Variants in DSCAM observed in about 807,000 individuals in gnomAD.
The protein encoded by DSCAM is cell adhesion molecule DSCAM.
DSCAM carries 47 observed loss-of-function variants against 217.7 expected under a neutral mutation model. That is an observed-to-expected ratio of 0.22 (90% confidence interval 0.17 to 0.28). DSCAM has a LOEUF of 0.28. Ranked by LOEUF, DSCAM falls within the 10% of genes least tolerant of loss-of-function variation. The probability of loss-of-function intolerance (pLI) is 1.00; values close to 1 mark genes in which losing one functional copy is unlikely to be tolerated. For missense variants in DSCAM, 2,080 were observed against 2,618.3 expected (o/e 0.79, Z 4.49); for synonymous variants, 1,056 against 1,015.3 (o/e 1.04, Z -0.76).
At chr21:40,546,199 A>G (rs2076581038) in intron 3 of DSCAM, among the ~76,000 whole-genome samples, 1 of 152,246 alleles carries the variant, frequency 6.6e-6, no homozygotes, top group South Asian at 2.1e-4. Flanking sequence ...AAAATGATTC[A>G]CAAGGCATCT....
At position 40,652,865 on chromosome 21, in the gene DSCAM, C is replaced by T. The variant is rs147453562; in HGVS notation, c.508+39945G>A. 2.3e-3 allele frequency among the ~76,000 whole-genome samples: 345 copies of T among 152,242 alleles called. 1 individual carries two copies. Among genetic ancestry groups the T allele is most frequent in the African/African-American group, 7.8e-3 (324 of 41,528 alleles). ...TTTATTCTTCTGGGACCCTGGGCCA[C>T]GCTGTGTCAGTTGAACCTCTGGAGG... On this transcript the variant is annotated intron_variant, in intron 3 of 32. Coordinates refer to ENST00000400454, the MANE Select transcript of DSCAM (RefSeq NM_001389.5).
chr21:40,176,857 C>A (rs1363203090), intron 15 of DSCAM, among the ~76,000 whole-genome samples: 1 of 152,248 alleles, frequency 6.6e-6, no homozygotes, highest in Non-Finnish European at 1.5e-5. Flanking sequence ...AGGCTCTTCA[C>A]CTGGCCTTCT....
At chr21:40,292,774 G>A (rs547616030) in intron 10 of DSCAM, among the ~76,000 whole-genome samples, 11 of 151,594 alleles carry the variant, frequency 7.3e-5, no homozygotes, top group African/African-American at 1.7e-4. Flanking sequence ...ATGGAGTCTC[G>A]CTCTGTTGCA....
intron 3 of DSCAM, among the ~76,000 whole-genome samples, chr21:40,530,920 ACCATCCATCCATCCATCCAT>A (rs749257248): frequency 1.1e-5 from 1 of 88,516 alleles, no homozygotes; most frequent in Admixed American, 1.3e-4. Context: ...CATCCATTCA[ACCATCCATCCATCCATCCAT>A]CCATCCATCC....
At chr21:40,365,405 C>T (rs901935812) in intron 4 of DSCAM, among the ~76,000 whole-genome samples, 2 of 152,178 alleles carry the variant, frequency 1.3e-5, no homozygotes, top group African/African-American at 4.8e-5. Flanking sequence ...GACCTTCGAC[C>T]ACAGACTGAA....
chr21:40,380,736 C>T (rs984742438), intron 3 of DSCAM, among the ~76,000 whole-genome samples: 5 of 152,140 alleles, frequency 3.3e-5, no homozygotes, highest in African/African-American at 1.2e-4. Context: ...AAAACTGTGG[C>T]ATATCCAAGG....
intron 5 of DSCAM, among the ~76,000 whole-genome samples, chr21:40,352,836 C>G (rs984516969): frequency 6.6e-6 from 1 of 152,134 alleles, no homozygotes; most frequent in Admixed American, 6.5e-5. Context: ...GCGATCACAT[C>G]CCTCCTTCCT....
At chr21:40,245,041 AC>A (rs2073204523) in intron 11 of DSCAM, among the ~76,000 whole-genome samples, 1 of 152,032 alleles carries the variant, frequency 6.6e-6, no homozygotes, top group African/African-American at 2.4e-5. Flanking sequence ...GTCACCTTGA[AC>A]CCCTTCCTTA....
chr21:40,041,925 A>G (rs535592788), intron 32 of DSCAM, among the ~76,000 whole-genome samples: 58 of 152,252 alleles, frequency 3.8e-4, no homozygotes, highest in African/African-American at 1.2e-3. Flanking sequence ...TGCTTGCCCA[A>G]TAGAATATGA....
chr21:40,376,503 CTT>C (rs1417206995), intron 3 of DSCAM, among the ~76,000 whole-genome samples: 1 of 108,434 alleles, frequency 9.2e-6, no homozygotes, highest in Non-Finnish European at 1.8e-5. Flanking sequence ...ATCTATATAT[CTT>C]ATATCGATAT....
intron 32 of DSCAM, among the ~76,000 whole-genome samples, chr21:40,040,649 T>C (rs936276581): frequency 6.6e-6 from 1 of 152,190 alleles, no homozygotes; most frequent in African/African-American, 2.4e-5. Flanking sequence ...AGCAACCCAG[T>C]GCCAGAAACA....
intron 16 of DSCAM, among the ~76,000 whole-genome samples, chr21:40,148,426 T>G (rs1408468496): frequency 1.3e-5 from 2 of 152,138 alleles, no homozygotes; most frequent in Non-Finnish European, 2.9e-5. Context: ...ATGTTTACAA[T>G]TATGGCTACG....
At chr21:40,432,211 A>AAAAAAAAT (rs1555917757) in intron 3 of DSCAM, among the ~76,000 whole-genome samples, 3 of 46,794 alleles carry the variant, frequency 6.4e-5, no homozygotes, top group Non-Finnish European at 1.8e-4. Context: ...ATAATAATAA[A>AAAAAAAAT]AAATAAATAT....
chr21:40,314,154 G>A (rs768388835), intron 8 of DSCAM, among the ~76,000 whole-genome samples: 5 of 152,132 alleles, frequency 3.3e-5, no homozygotes, highest in Non-Finnish European at 7.4e-5. Context: ...GCCATAGGCC[G>A]CAGACAGCAA....
intron 20 of DSCAM, among the ~76,000 whole-genome samples, chr21:40,105,616 T>TAAG (rs2089809775): frequency 6.6e-6 from 1 of 152,200 alleles, no homozygotes; most frequent in African/African-American, 2.4e-5. Flanking sequence ...TGCTGAACTG[T>TAAG]AAGTCAATTA....
intron 28 of DSCAM, among the ~76,000 whole-genome samples, chr21:40,062,345 G>A (rs1320663073): frequency 1.3e-5 from 2 of 152,186 alleles, no homozygotes; most frequent in African/African-American, 2.4e-5. Flanking sequence ...CTCCTAACAC[G>A]AGGATGAACT....
intron 1 of DSCAM, among the ~76,000 whole-genome samples, chr21:40,716,129 T>C (rs1568999419): frequency 6.6e-6 from 1 of 152,208 alleles, no homozygotes; most frequent in Non-Finnish European, 1.5e-5. Flanking sequence ...TTTAAAGAAT[T>C]TTACATTAGT....
Position 40,846,713 on chromosome 21 carries a change from G to C in DSCAM, c.-52C>G. 3 of 938,576 alleles carry C rather than the reference G, an allele frequency of 3.2e-6. No homozygotes were observed. The highest frequency in any genetic ancestry group is 3.9e-6 in the Non-Finnish European group (3 of 765,970). 58.1% of individuals were successfully genotyped at this position (938,576 alleles called of 1,614,324 possible). A position where few individuals can be genotyped will look rare whatever the true frequency, so the allele number is the denominator to read the frequency against. ...GAGCGACGCGCCGGCCTCGCCCCCCGCGCTCCGCCCGGCCCGGCTCCGCTC... is the reference window on the plus strand; with the variant it reads ...GAGCGACGCGCCGGCCTCGCCCCCCCCGCTCCGCCCGGCCCGGCTCCGCTC... On this transcript the variant is annotated 5_prime_UTR_variant, in exon 1 of 33. Coordinates refer to ENST00000400454, the MANE Select transcript of DSCAM (RefSeq NM_001389.5).
At chr21:40,798,723 A>G (rs1210809691) in intron 1 of DSCAM, among the ~76,000 whole-genome samples, 2 of 152,142 alleles carry the variant, frequency 1.3e-5, no homozygotes, top group Non-Finnish European at 2.9e-5. Flanking sequence ...CTAATTGTAA[A>G]TGTTTAATAA....
Sources: gnomAD v4.1 joint callset for allele counts (sites outside exome capture counted in the v4.1 genomes callset) on GRCh38, gnomAD v4.1.1 for gene constraint, MANE v1.5 for transcripts, NCBI Gene and HGNC (gene_info 2026-07-23, HGNC 2026-07-21) for gene names.